The following GRM1 variants were observed in gnomAD, a reference collection of about 807,000 sequenced individuals.
GRM1 encodes the protein glutamate metabotropic receptor 1, also known as metabotropic glutamate receptor 1.
GRM1 carries 33 observed loss-of-function variants against 90.9 expected under a neutral mutation model. The observed-to-expected ratio is 0.36, with a 90% CI of 0.28 to 0.49. GRM1 has a LOEUF of 0.49. Among genes scored for constraint, GRM1 ranks in the 20% least tolerant of loss-of-function variants. The probability of loss-of-function intolerance (pLI) is 0.99; values close to 1 mark genes in which losing one functional copy is unlikely to be tolerated. For missense variants in GRM1, 1,190 were observed against 1,534.3 expected (o/e 0.78, Z 3.75); for synonymous variants, 700 against 613.2 (o/e 1.14, Z -2.09).
intron 6 of GRM1, 31 bp downstream of exon 6, chr6:146,387,047 C>A: frequency 6.2e-7 from 1 of 1,607,406 alleles, no homozygotes; most frequent in South Asian, 1.1e-5. Context: ...AAACCTTGTG[C>A]CTCACTATTT....
chr6:146,263,838 T>C (rs965461438), intron 2 of GRM1, among the ~76,000 whole-genome samples: 2 of 152,104 alleles, frequency 1.3e-5, no homozygotes, highest in African/African-American at 2.4e-5. Flanking sequence ...AAAAAGGAAC[T>C]AGGCTAAGGC....
At position 146,051,593 on chromosome 6, in the gene GRM1, A is replaced by G. The variant is rs1363519703; in HGVS notation, c.700+21376A>G. On this transcript the variant is annotated intron_variant, in intron 1 of 7. Transcript: ENST00000282753. ...AGGTAATGCCTTTGGAAAATATAGCACTTAAAGCTATGATCAGTTATGACT... is the reference window on the plus strand; with the variant it reads ...AGGTAATGCCTTTGGAAAATATAGCGCTTAAAGCTATGATCAGTTATGACT... 2.0e-5 allele frequency among the ~76,000 whole-genome samples: 3 copies of G among 152,198 alleles called. No individual in the cohort carries two copies. In the East Asian group the frequency reaches 5.8e-4, roughly 30 times the overall value.
intron 1 of GRM1, among the ~76,000 whole-genome samples, chr6:146,083,150 G>T (rs1395032920): frequency 6.6e-6 from 1 of 152,132 alleles, no homozygotes; most frequent in Non-Finnish European, 1.5e-5. Context: ...AGATGATGGT[G>T]TTTTCTAAAT....
intron 5 of GRM1, among the ~76,000 whole-genome samples, chr6:146,371,102 T>C (rs904845686): frequency 2.0e-5 from 3 of 152,072 alleles, no homozygotes; most frequent in African/African-American, 7.2e-5. Flanking sequence ...GTAACTGATA[T>C]GTGCCAAAAA....
At chr6:146,071,644 G>A (rs1014878) in intron 1 of GRM1, among the ~76,000 whole-genome samples, 3,058 of 144,730 alleles carry the variant, frequency 0.021, 41 homozygotes, top group Non-Finnish European at 0.03. Flanking sequence ...TAGCCTGCAG[G>A]AAACTTAATA....
At chr6:146,427,149 C>T (rs1778239829) in intron 7 of GRM1, among the ~76,000 whole-genome samples, 2 of 152,144 alleles carry the variant, frequency 1.3e-5, no homozygotes, top group South Asian at 2.1e-4. Flanking sequence ...GCCTCCCACA[C>T]CCTGGGGAGC....
chr6:146,232,118 T>C (rs1230888829), intron 2 of GRM1, among the ~76,000 whole-genome samples: 1 of 152,140 alleles, frequency 6.6e-6, no homozygotes, highest in Non-Finnish European at 1.5e-5. Context: ...TTAGGTTATT[T>C]ATTGGATAAG....
intron 2 of GRM1, among the ~76,000 whole-genome samples, chr6:146,244,355 A>G (rs1780978451): frequency 6.6e-6 from 1 of 152,220 alleles, no homozygotes; most frequent in Non-Finnish European, 1.5e-5. Context: ...GAACTAATAA[A>G]TGTCCATGAA....
intron 3 of GRM1, among the ~76,000 whole-genome samples, chr6:146,349,694 T>C (rs917927734): frequency 6.6e-6 from 1 of 152,186 alleles, no homozygotes; most frequent in Non-Finnish European, 1.5e-5. Context: ...TATTCTTGTA[T>C]GTTTTGTCTA....
intron 1 of GRM1, among the ~76,000 whole-genome samples, chr6:146,062,033 GAC>G (rs1775688614): frequency 6.6e-6 from 1 of 152,088 alleles, no homozygotes; most frequent in Non-Finnish European, 1.5e-5. Flanking sequence ...TTACTATAAA[GAC>G]ACACACGCAC....
At chr6:146,319,833 A>G (rs760838848) in intron 3 of GRM1, among the ~76,000 whole-genome samples, 18 of 152,116 alleles carry the variant, frequency 1.2e-4, no homozygotes, top group African/African-American at 4.3e-4. Context: ...AGACTTTGCT[A>G]AAGTTGCTTA....
At chr6:146,280,622 C>T (rs1782531973) in intron 2 of GRM1, among the ~76,000 whole-genome samples, 1 of 151,952 alleles carries the variant, frequency 6.6e-6, no homozygotes, top group Admixed American at 6.6e-5. Flanking sequence ...ACTTCGTTTA[C>T]ATTTAGTTTG....
chr6:146,175,010 G>A (rs1346274585), intron 2 of GRM1, among the ~76,000 whole-genome samples: 1 of 152,182 alleles, frequency 6.6e-6, no homozygotes, highest in Non-Finnish European at 1.5e-5. Context: ...GATCGAGAGA[G>A]AGAGGGGAGA....
chr6:146,368,263 G>T (rs973847144), intron 5 of GRM1, among the ~76,000 whole-genome samples: 4 of 138,110 alleles, frequency 2.9e-5, no homozygotes, highest in East Asian at 2.4e-4. Context: ...TTTTTTTTGG[G>T]GGGGGGGGTA....
At chr6:146,063,546 C>A (rs1775745007) in intron 1 of GRM1, among the ~76,000 whole-genome samples, 1 of 151,952 alleles carries the variant, frequency 6.6e-6, no homozygotes, top group African/African-American at 2.4e-5. Flanking sequence ...CTTTTATTTT[C>A]TTGTTTCTGT....
In GRM1 at chr6:146,038,413, C is replaced by T. The variant is rs186100992; in HGVS notation, c.700+8196C>T. On this transcript the variant is annotated intron_variant, in intron 1 of 7. Coordinates refer to ENST00000282753, the MANE Select transcript of GRM1 (RefSeq NM_001278064.2). ...GGGTGAAGTATACAGAAAACAGTCC[C>T]CTAAGTTTATTATACAGATAAGATG... 3.8e-3 allele frequency among the ~76,000 whole-genome samples: 579 copies of T among 151,970 alleles called. 3 individuals carry two copies. The highest frequency in any genetic ancestry group is 6.8e-3 in the Middle Eastern group (2 of 294).
chr6:146,221,049 G>C (rs1018191262), intron 2 of GRM1, among the ~76,000 whole-genome samples: 1 of 151,900 alleles, frequency 6.6e-6, no homozygotes, highest in African/African-American at 2.4e-5. Flanking sequence ...TGGTTGTGTC[G>C]TAAAAGCAAT....
intron 2 of GRM1, among the ~76,000 whole-genome samples, chr6:146,217,479 T>C (rs1779913018): frequency 6.6e-6 from 1 of 152,256 alleles, no homozygotes; most frequent in Non-Finnish European, 1.5e-5. Context: ...GGCATTTGTC[T>C]GAGCAACTAA....
chr6:146,211,460 G>A (rs1208262659), intron 2 of GRM1, among the ~76,000 whole-genome samples: 1 of 152,076 alleles, frequency 6.6e-6, no homozygotes, highest in Non-Finnish European at 1.5e-5. Context: ...CTCTTAAATG[G>A]GGGAAGTTTG....
Sources: gnomAD v4.1 joint callset for allele counts (sites outside exome capture counted in the v4.1 genomes callset) on GRCh38, gnomAD v4.1.1 for gene constraint, MANE v1.5 for transcripts, NCBI Gene and HGNC (gene_info 2026-07-23, HGNC 2026-07-21) for gene names.